Variants in SLC15A1 observed in about 807,000 individuals in gnomAD.
SLC15A1 encodes Caco-2 oligopeptide transporter.
A neutral mutation model predicts 92.9 loss-of-function variants in SLC15A1; 83 were observed. That is an observed-to-expected ratio of 0.89 (90% CI 0.75 to 1.07). SLC15A1 has a LOEUF of 1.07. SLC15A1 is among the 50% of genes least tolerant of loss of function. SLC15A1 has a pLI of 0.00. For missense variants in SLC15A1, 857 were observed against 880.1 expected (o/e 0.97, Z 0.33); for synonymous variants, 322 against 318.2 (o/e 1.01, Z -0.13).
intron 1 of SLC15A1, among the ~76,000 whole-genome samples, chr13:98,751,351 G>C (rs1180459246): frequency 3.3e-5 from 5 of 152,148 alleles, no homozygotes; most frequent in Non-Finnish European, 7.4e-5. Context: ...AACAGCTCTC[G>C]GGATTGGATC....
chr13:98,701,141 A>G (rs184970318), intron 18 of SLC15A1, among the ~76,000 whole-genome samples: 127 of 152,332 alleles, frequency 8.3e-4, no homozygotes, highest in Middle Eastern at 3.4e-3. Flanking sequence ...CATCTTTACT[A>G]TATTAAATCT....
intron 1 of SLC15A1, among the ~76,000 whole-genome samples, chr13:98,750,821 G>A (rs1206347616): frequency 1.3e-5 from 2 of 150,510 alleles, no homozygotes; most frequent in African/African-American, 4.9e-5. Context: ...GCACCACGTT[G>A]GCTCACTGCA....
At chr13:98,696,035 T>C (rs2088017854) in intron 18 of SLC15A1, among the ~76,000 whole-genome samples, 2 of 151,892 alleles carry the variant, frequency 1.3e-5, no homozygotes, top group Non-Finnish European at 2.9e-5. Flanking sequence ...GTTCATCTTT[T>C]ACCACATGGG....
At chr13:98,714,643 G>C (rs1308245758) in intron 9 of SLC15A1, among the ~76,000 whole-genome samples, 1 of 92,076 alleles carries the variant, frequency 1.1e-5, no homozygotes, top group Admixed American at 1.8e-4. Context: ...GACAGAGCAA[G>C]ACTCCATCTC....
At chr13:98,691,839 C>T (rs2802392) in intron 18 of SLC15A1, among the ~76,000 whole-genome samples, 63,197 of 151,956 alleles carry the variant, frequency 0.42, 15,092 homozygotes, top group Non-Finnish European at 0.55. Context: ...TTTGGGAGGC[C>T]GAGGTGGGCA....
chr13:98,700,690 A>G (rs1303215130), intron 18 of SLC15A1, among the ~76,000 whole-genome samples: 1 of 152,074 alleles, frequency 6.6e-6, no homozygotes, highest in Non-Finnish European at 1.5e-5. Context: ...GTTTTCATAT[A>G]AGATGTGTAA....
rs182651180 is a variant in SLC15A1, at chr13:98,745,386, G to A, written c.4+7209C>T. 4.7e-4 allele frequency among the ~76,000 whole-genome samples: 72 copies of A among 152,222 alleles called. 2 individuals carry two copies. Among genetic ancestry groups the A allele is most frequent in the African/African-American group, 1.7e-3 (70 of 41,540 alleles). On this transcript the variant is annotated intron_variant, in intron 1 of 22. Transcript: ENST00000376503. ...CTTTCTGTTACCATGTCGGGGTGTC[G>A]AATAGTGTCCTGCCCATCCCCCCAC...
chr13:98,747,719 A>G (rs1221664971), intron 1 of SLC15A1, among the ~76,000 whole-genome samples: 1 of 152,122 alleles, frequency 6.6e-6, no homozygotes. Context: ...CGTCTCTACT[A>G]AAAATACAAA....
In SLC15A1 at chr13:98,719,264, G is replaced by C. The variant is rs1264124390; in HGVS notation, c.613C>G (p.Pro205Ala). Residue 205 changes from proline (P) to alanine (A), a missense_variant, in exon 8 of 23, where the codon CCT becomes GCT. Pro to Ala is a conservative substitution (Grantham distance 27, BLOSUM62 -1). Transcript: ENST00000376503. ...AGGGCTACAGCCATGAGAGCAGCAG[G>C]AACCCCAAAGGCCAGTGGGTAACAA... is the stretch of plus-strand genomic sequence containing the variant. ...QACYPLAFGV[P>A]AALMAVALIV... 1.2e-6 allele frequency: 2 copies of C among 1,613,686 alleles called. No individual in the cohort carries two copies. The highest frequency in any genetic ancestry group is 1.7e-6 in the Non-Finnish European group (2 of 1,179,782).
intron 1 of SLC15A1, among the ~76,000 whole-genome samples, chr13:98,745,079 G>A (rs1337640969): frequency 2.0e-5 from 3 of 152,138 alleles, no homozygotes; most frequent in Non-Finnish European, 4.4e-5. Flanking sequence ...CCACAGTACC[G>A]CATCAACAGA....
At chr13:98,729,586 C>T (rs1461947427) in intron 1 of SLC15A1, among the ~76,000 whole-genome samples, 3 of 152,210 alleles carry the variant, frequency 2.0e-5, no homozygotes, top group Non-Finnish European at 4.4e-5. Context: ...CCAGAGCAGA[C>T]ACCGAATACA....
At chr13:98,713,884 T>C (rs1206902920) in intron 9 of SLC15A1, among the ~76,000 whole-genome samples, 2 of 151,838 alleles carry the variant, frequency 1.3e-5, no homozygotes, top group African/African-American at 4.8e-5. Context: ...CTGTCTCTAC[T>C]AAAAATACAA....
intron 1 of SLC15A1, among the ~76,000 whole-genome samples, chr13:98,734,607 G>A (rs1485079546): frequency 1.3e-5 from 2 of 152,066 alleles, no homozygotes; most frequent in Non-Finnish European, 2.9e-5. Flanking sequence ...CTTAGCAAAT[G>A]GCACACCAGG....
chr13:98,704,480 G>A (rs753867721), intron 16 of SLC15A1, 45 bp from the exon 17 acceptor site: 79 of 1,560,366 alleles, frequency 5.1e-5, no homozygotes, highest in Non-Finnish European at 6.5e-5. Flanking sequence ...ACAGAGTCTC[G>A]GCACTATGCA....
chr13:98,704,136 G>T (rs1467908718), intron 17 of SLC15A1, among the ~76,000 whole-genome samples, 153 bp downstream of exon 17: 3 of 152,162 alleles, frequency 2.0e-5, no homozygotes, highest in Non-Finnish European at 4.4e-5. Context: ...AGTCTGACAG[G>T]TGTTCTTGAA....
Position 98,686,988 on chromosome 13 carries a change from C to T in SLC15A1, c.1827+593G>A, listed in dbSNP as rs145481765. ...TTTGAGATGGTGTCTTGCTCTGTTGCGCATGCTGGAGTGCAGTGGTGTGAT... is the reference window on the plus strand; with the variant it reads ...TTTGAGATGGTGTCTTGCTCTGTTGTGCATGCTGGAGTGCAGTGGTGTGAT... On this transcript the variant is annotated intron_variant, in intron 21 of 22. Coordinates refer to ENST00000376503, the MANE Select transcript of SLC15A1 (RefSeq NM_005073.4). Among the ~76,000 whole-genome samples the T allele has an allele frequency of 2.4e-3, 340 of 141,074 alleles. 2 individuals carry two copies. Among genetic ancestry groups the T allele is most frequent in the Non-Finnish European group, 4.0e-3 (266 of 66,116 alleles). The allele number at this position is 141,074 out of a possible 152,430, so 92.6% of individuals were successfully genotyped here.
At chr13:98,724,596 C>T (rs779359894) in intron 4 of SLC15A1, among the ~76,000 whole-genome samples, 9 of 152,252 alleles carry the variant, frequency 5.9e-5, no homozygotes, top group East Asian at 1.9e-4. Flanking sequence ...CTTGGCCTCC[C>T]GAGTAGCTAG....
In SLC15A1 at chr13:98,700,480, G is replaced by A. The variant is rs535447970; in HGVS notation, c.1466+2000C>T. Reference sequence around the variant, plus strand: ...AGCCTGGGCAATAGAGCAAGACCCTGTCTCAAAAAAAAAAAAAAAAAAAAA... The same window carrying A: ...AGCCTGGGCAATAGAGCAAGACCCTATCTCAAAAAAAAAAAAAAAAAAAAA... On this transcript the variant is annotated intron_variant, in intron 18 of 22. Transcript: ENST00000376503. Among the ~76,000 whole-genome samples, 27 of 4,296 alleles carry A rather than the reference G, an allele frequency of 6.3e-3. 1 individual carries two copies. Among genetic ancestry groups the A allele is most frequent in the East Asian group, 0.039 (12 of 308 alleles). 2.8% of individuals were successfully genotyped at this position (4,296 alleles called of 152,430 possible).
Position 98,710,040 on chromosome 13 carries a change from C to T in SLC15A1, c.901-129G>A, listed in dbSNP as rs1275016420. 54 of 857,568 alleles carry T rather than the reference C, an allele frequency of 6.3e-5. No individual in the cohort carries two copies. The Admixed American group carries it at 1.1e-3, about 17-fold the overall frequency. The allele number at this position is 857,568 out of a possible 1,614,324, so 53.1% of individuals were successfully genotyped here. A position where few individuals can be genotyped will look rare whatever the true frequency, so the allele number is the denominator to read the frequency against. ...TTATGGGATTTAAAGTTGTTTTAAA[C>T]ATCAAGTTAATCTCCCAGCTCTATT... On this transcript the variant is annotated intron_variant, in intron 11 of 22. Coordinates refer to ENST00000376503, the MANE Select transcript of SLC15A1 (RefSeq NM_005073.4).
Sources: gnomAD v4.1 joint callset for allele counts (sites outside exome capture counted in the v4.1 genomes callset) on GRCh38, gnomAD v4.1.1 for gene constraint, MANE v1.5 for transcripts, NCBI Gene and HGNC (gene_info 2026-07-23, HGNC 2026-07-21) for gene names.